Variants in GAP43 observed in about 807,000 individuals in gnomAD.
GAP43 encodes neuromodulin.
GAP43 carries 6 observed loss-of-function variants against 18.6 expected under a neutral mutation model. That is an observed-to-expected ratio of 0.32 (90% CI 0.18 to 0.64). The LOEUF (loss-of-function observed/expected upper bound fraction) is 0.64. Ranked by LOEUF, GAP43 falls within the 30% of genes least tolerant of loss-of-function variation. The probability of loss-of-function intolerance (pLI) is 0.78; values close to 1 mark genes in which losing one functional copy is unlikely to be tolerated. For missense variants in GAP43, 292 were observed against 295.5 expected (o/e 0.99, Z 0.09); for synonymous variants, 115 against 111.4 (o/e 1.03, Z -0.20).
At chr3:115,631,611 C>T (rs567636064) in intron 1 of GAP43, among the ~76,000 whole-genome samples, 22 of 152,238 alleles carry the variant, frequency 1.4e-4, no homozygotes, top group Admixed American at 9.8e-4. Context: ...CCATACTCTA[C>T]AGAGTAAATT....
At chr3:115,692,108 C>A in intron 2 of GAP43, among the ~76,000 whole-genome samples, 1 of 152,120 alleles carries the variant, frequency 6.6e-6, no homozygotes, top group East Asian at 1.9e-4. Context: ...GCAAAATGAC[C>A]TTGTCTTTCA....
chr3:115,671,408 A>C (rs1209024502), intron 1 of GAP43, among the ~76,000 whole-genome samples: 5 of 152,138 alleles, frequency 3.3e-5, no homozygotes, highest in Non-Finnish European at 7.4e-5. Context: ...GTGTAATGGT[A>C]CTCTTCATTT....
intron 2 of GAP43, among the ~76,000 whole-genome samples, chr3:115,698,187 T>A (rs1310334746): frequency 3.2e-3 from 36 of 11,256 alleles, no homozygotes; most frequent in Admixed American, 9.8e-3. Flanking sequence ...AATATATATA[T>A]TAAATATATA....
At chr3:115,661,831 C>CTTTT (rs56209932) in intron 1 of GAP43, among the ~76,000 whole-genome samples, 3 of 105,970 alleles carry the variant, frequency 2.8e-5, no homozygotes, top group African/African-American at 1.2e-4. Context: ...GAAACTAGGG[C>CTTTT]TTTTTTTTTT....
intron 2 of GAP43, among the ~76,000 whole-genome samples, chr3:115,691,399 A>G (rs1709108628): frequency 6.6e-6 from 1 of 152,212 alleles, no homozygotes; most frequent in African/African-American, 2.4e-5. Context: ...AACCAGCTCT[A>G]TGCCATTAAT....
chr3:115,716,992 T>G (rs1476582187), intron 2 of GAP43, among the ~76,000 whole-genome samples: 3 of 151,984 alleles, frequency 2.0e-5, no homozygotes, highest in Non-Finnish European at 2.9e-5. Flanking sequence ...TTTGGCCACC[T>G]GATATAATCG....
rs190997482 is a variant in GAP43 at position 115,646,901 on chromosome 3, C to T, written c.30+23182C>T. On this transcript the variant is annotated intron_variant, in intron 1 of 2. Coordinates refer to ENST00000305124, the MANE Select transcript of GAP43 (RefSeq NM_002045.4). ...GAAACCAAACAACCAACATGTATTT[C>T]CTGAACCCCTACAATGAACCAAAGT... Among the ~76,000 whole-genome samples the T allele has an allele frequency of 3.1e-4, 47 of 152,048 alleles. 1 individual carries two copies. The highest frequency in any genetic ancestry group is 1.0e-3 in the African/African-American group (43 of 41,514).
At chr3:115,677,845 C>T (rs1423858888) in intron 2 of GAP43, among the ~76,000 whole-genome samples, 1 of 152,162 alleles carries the variant, frequency 6.6e-6, no homozygotes, top group African/African-American at 2.4e-5. Context: ...GGACTTTTAC[C>T]TTGATATACA....
intron 2 of GAP43, among the ~76,000 whole-genome samples, chr3:115,714,997 T>C (rs968524984): frequency 2.0e-5 from 3 of 152,148 alleles, no homozygotes; most frequent in African/African-American, 7.2e-5. Context: ...TCTCTGTACC[T>C]TGCTGTGTCC....
chr3:115,678,127 G>A lies in GAP43; in HGVS notation c.628+1517G>A, dbSNP rs1330588847. Among the ~76,000 whole-genome samples, 4 of 152,108 alleles carry A rather than the reference G, an allele frequency of 2.6e-5. No homozygotes were observed. In the East Asian group the frequency reaches 7.7e-4, roughly 29 times the overall value. On this transcript the variant is annotated intron_variant, in intron 2 of 2. Coordinates refer to ENST00000305124, the MANE Select transcript of GAP43 (RefSeq NM_002045.4). ...AGGTAAGGCATGTGATAAAAAGTGGGGTGTGGGTTTTAATTTACTCAGCAA... is the reference window on the plus strand; with the variant it reads ...AGGTAAGGCATGTGATAAAAAGTGGAGTGTGGGTTTTAATTTACTCAGCAA...
chr3:115,660,215 G>A (rs1708640504), intron 1 of GAP43, among the ~76,000 whole-genome samples: 2 of 152,110 alleles, frequency 1.3e-5, no homozygotes, highest in African/African-American at 4.8e-5. Flanking sequence ...ATGGGAGGCT[G>A]GCCAGCGGAG....
At chr3:115,698,581 G>A (rs2107366153) in intron 2 of GAP43, among the ~76,000 whole-genome samples, 2 of 151,614 alleles carry the variant, frequency 1.3e-5, no homozygotes, top group Middle Eastern at 3.4e-3. Context: ...ATGTTTGTAT[G>A]TGGTGGAACT....
rs149643747 is a variant in GAP43, at chr3:115,630,514, C to A, written c.30+6795C>A. Among the ~76,000 whole-genome samples, 458 of 152,308 alleles carry A rather than the reference C, an allele frequency of 3.0e-3. 12 individuals carry two copies. Among genetic ancestry groups the A allele is most frequent in the Admixed American group, 0.027 (411 of 15,290 alleles). On this transcript the variant is annotated intron_variant, in intron 1 of 2. Transcript: ENST00000305124. ...CCCAGCATGGAACAAATTGCAACCA[C>A]TGTTTTCCATGAAAACACTCTTGCC...
chr3:115,683,105 T>C, intron 2 of GAP43, among the ~76,000 whole-genome samples: 1 of 149,348 alleles, frequency 6.7e-6, no homozygotes. Context: ...AATATTTTTC[T>C]TTTTTCTCTA....
intron 1 of GAP43, among the ~76,000 whole-genome samples, chr3:115,632,614 A>G (rs1708274306): frequency 6.6e-6 from 1 of 152,220 alleles, no homozygotes; most frequent in African/African-American, 2.4e-5. Flanking sequence ...GTTTTTAAAC[A>G]TATGGATAAC....
At chr3:115,641,380 G>A (rs564364837) in intron 1 of GAP43, among the ~76,000 whole-genome samples, 1 of 151,362 alleles carries the variant, frequency 6.6e-6, no homozygotes, top group South Asian at 2.1e-4. Flanking sequence ...ACACATAGGA[G>A]TTTGTGTGTG....
intron 1 of GAP43, among the ~76,000 whole-genome samples, chr3:115,638,161 G>T (rs867289516): frequency 2.0e-5 from 3 of 152,018 alleles, no homozygotes; most frequent in Middle Eastern, 6.8e-3. Flanking sequence ...TCCCTCAGCA[G>T]CCAGAGTGCT....
chr3:115,662,668 C>T (rs1396094864), intron 1 of GAP43, among the ~76,000 whole-genome samples: 1 of 152,098 alleles, frequency 6.6e-6, no homozygotes, highest in Non-Finnish European at 1.5e-5. Context: ...GGAGAGTCTC[C>T]AGGACTTTTT....
intron 1 of GAP43, among the ~76,000 whole-genome samples, chr3:115,656,444 GA>G (rs1559793319): frequency 2.0e-5 from 3 of 152,042 alleles, no homozygotes; most frequent in African/African-American, 7.2e-5. Context: ...AGGCTCCCTC[GA>G]CCAGCATCTC....
Sources: gnomAD v4.1 joint callset for allele counts (sites outside exome capture counted in the v4.1 genomes callset) on GRCh38, gnomAD v4.1.1 for gene constraint, MANE v1.5 for transcripts, NCBI Gene and HGNC (gene_info 2026-07-23, HGNC 2026-07-21) for gene names.